MTA3: variants seen among roughly 807,000 people sequenced by gnomAD.
MTA3 encodes the protein metastasis-associated protein MTA3.
MTA3 carries 34 observed loss-of-function variants against 83.5 expected under a neutral mutation model. The ratio of observed to expected loss-of-function variants is 0.41; its 90% CI spans 0.31 to 0.54. The LOEUF is 0.54. Among genes scored for constraint, MTA3 ranks in the 20% least tolerant of loss-of-function variants. The pLI is 0.33. For missense variants in MTA3, 761 were observed against 726.4 expected (o/e 1.05, Z -0.55); for synonymous variants, 303 against 252.7 (o/e 1.20, Z -1.89).
intron 2 of MTA3, among the ~76,000 whole-genome samples, chr2:42,548,863 T>TATATATTATA (rs1676919224): frequency 8.4e-5 from 1 of 11,946 alleles, no homozygotes; most frequent in Admixed American, 1.7e-3. Context: ...ATATATAATA[T>TATATATTATA]ATATATATAT....
rs553985348 is a variant in MTA3 at position 42,504,830 on chromosome 2, C to G, written c.-141+9576C>G. 3.9e-5 allele frequency among the ~76,000 whole-genome samples: 6 copies of G among 152,252 alleles called. No individual in the cohort carries two copies. The East Asian group carries it at 1.2e-3, about 29-fold the overall frequency. ...CTCTTATTCAAGCAAAAGAAACACT[C>G]TCTTCCTTAAATTTCCAGCTTTGCA... is the stretch of plus-strand genomic sequence containing the variant. On this transcript the variant is annotated intron_variant, in intron 2 of 17. Coordinates refer to the MTA3 transcript ENST00000405592.
chr2:42,712,898 C>T (rs991643999), intron 14 of MTA3: 4 of 151,894 alleles, frequency 2.6e-5, no homozygotes, highest in Non-Finnish European at 5.9e-5. Flanking sequence ...TGAGGTCCCT[C>T]CCCCTAGTAA....
Position 42,682,485 on chromosome 2 carries a change from T to C in MTA3, c.787T>C (p.Leu263=). The change falls in exon 9 of 17, where the codon TTA becomes CTA. Residue 263 remains leucine, a synonymous_variant. Coordinates refer to ENST00000405094, the MANE Select transcript of MTA3 (RefSeq NM_001330442.2). ...CTTAGTACCACTCGGAGGACCTGTTTTATGCAGAGATGAAATGGAGGAATG... is the reference window on the plus strand; with the variant it reads ...CTTAGTACCACTCGGAGGACCTGTTCTATGCAGAGATGAAATGGAGGAATG... ...SVLVPLGGPV[L]CRDEMEEWSA... The C allele has an allele frequency of 6.2e-7, 1 of 1,612,510 alleles. No homozygotes were observed. Among genetic ancestry groups the C allele is most frequent in the South Asian group, 1.1e-5 (1 of 90,618 alleles).
At chr2:42,724,140 C>T (rs1206361846) in intron 16 of MTA3, among the ~76,000 whole-genome samples, 1 of 152,088 alleles carries the variant, frequency 6.6e-6, no homozygotes, top group Non-Finnish European at 1.5e-5. Context: ...GGATGTATTT[C>T]TTTCAGCCTT....
intron 16 of MTA3, among the ~76,000 whole-genome samples, chr2:42,743,015 G>A (rs1287725001): frequency 6.6e-6 from 1 of 152,160 alleles, no homozygotes; most frequent in Non-Finnish European, 1.5e-5. Context: ...TTATAGGAAG[G>A]ACTCACTTAG....
At chr2:42,681,111 G>C (rs1313349268) in intron 8 of MTA3, among the ~76,000 whole-genome samples, 1 of 152,136 alleles carries the variant, frequency 6.6e-6, no homozygotes, top group Non-Finnish European at 1.5e-5. Context: ...GGAGTTCAAC[G>C]TTATGGTGCT....
intron 2 of MTA3, among the ~76,000 whole-genome samples, chr2:42,509,632 G>A (rs934922519): frequency 3.9e-5 from 6 of 152,078 alleles, no homozygotes; most frequent in East Asian, 1.9e-4. Context: ...TTAGCCAGGC[G>A]TGGTGGCATG....
chr2:42,558,452 G>A (rs891936278), intron 2 of MTA3, among the ~76,000 whole-genome samples: 3 of 151,860 alleles, frequency 2.0e-5, no homozygotes, highest in Admixed American at 6.6e-5. Context: ...GTTTCTCCAT[G>A]TTGGTCAGGC....
At chr2:42,652,988 AG>A (rs1448747559) in intron 6 of MTA3, among the ~76,000 whole-genome samples, 1 of 152,230 alleles carries the variant, frequency 6.6e-6, no homozygotes, top group African/African-American at 2.4e-5. Flanking sequence ...AAGGGCCTTT[AG>A]GAATCCTTAG....
chr2:42,635,425 C>T (rs1342639535), intron 4 of MTA3, among the ~76,000 whole-genome samples: 2 of 151,956 alleles, frequency 1.3e-5, no homozygotes, highest in Non-Finnish European at 2.9e-5. Flanking sequence ...ATTAGGAGTT[C>T]GAGACCAGCC....
At chr2:42,677,669 C>T (rs1691507293) in intron 8 of MTA3, among the ~76,000 whole-genome samples, 1 of 152,056 alleles carries the variant, frequency 6.6e-6, no homozygotes, top group African/African-American at 2.4e-5. Context: ...ATGGGAGTTC[C>T]CTGCACAACC....
chr2:42,581,487 C>G (rs374583601), intron 3 of MTA3, among the ~76,000 whole-genome samples: 4 of 150,702 alleles, frequency 2.7e-5, no homozygotes, highest in East Asian at 3.9e-4. Flanking sequence ...ATCTTCCTGC[C>G]TCAGTCTTTA....
At chr2:42,588,703 T>G (rs780178078) in intron 3 of MTA3, among the ~76,000 whole-genome samples, 7 of 152,152 alleles carry the variant, frequency 4.6e-5, no homozygotes, top group Non-Finnish European at 8.8e-5. Context: ...CCTATAGGTG[T>G]ATCAATTAGT....
chr2:42,689,566 T>A (rs879144291), intron 9 of MTA3, among the ~76,000 whole-genome samples: 1 of 152,154 alleles, frequency 6.6e-6, no homozygotes, highest in Admixed American at 6.5e-5. Flanking sequence ...TAGATACAGG[T>A]CTTTTATTGT....
chr2:42,531,288 A>G (rs539595849), intron 2 of MTA3, among the ~76,000 whole-genome samples: 1 of 152,142 alleles, frequency 6.6e-6, no homozygotes, highest in Non-Finnish European at 1.5e-5. Flanking sequence ...TGTTATTGCC[A>G]GACAATGGCC....
At chr2:42,548,822 TATATATAATATATATA>T (rs1423925492) in intron 2 of MTA3, among the ~76,000 whole-genome samples, 6 of 17,690 alleles carry the variant, frequency 3.4e-4, no homozygotes, top group African/African-American at 8.7e-4. Flanking sequence ...TATATATATA[TATATATAATATATATA>T]TATATATAAT....
chr2:42,595,954 G>C (rs529756148), intron 3 of MTA3, among the ~76,000 whole-genome samples: 1 of 152,240 alleles, frequency 6.6e-6, no homozygotes, highest in East Asian at 1.9e-4. Context: ...GCATTTGTCT[G>C]TGATTCATTC....
chr2:42,578,472 A>T (rs977613355), intron 2 of MTA3, among the ~76,000 whole-genome samples: 16 of 152,222 alleles, frequency 1.1e-4, no homozygotes, highest in Admixed American at 1.0e-3. Flanking sequence ...ATATTTTTAG[A>T]TGTGAAGGTA....
chr2:42,701,732 A>G (rs1279899025), intron 11 of MTA3, among the ~76,000 whole-genome samples: 1 of 151,900 alleles, frequency 6.6e-6, no homozygotes, highest in East Asian at 1.9e-4. Flanking sequence ...CCTGGCCAAC[A>G]TGGTGAAACC....
Sources: gnomAD v4.1 joint callset for allele counts (sites outside exome capture counted in the v4.1 genomes callset) on GRCh38, gnomAD v4.1.1 for gene constraint, MANE v1.5 for transcripts, NCBI Gene and HGNC (gene_info 2026-07-23, HGNC 2026-07-21) for gene names.